Variants in GLP1R observed in about 807,000 individuals in gnomAD.
GLP1R encodes the protein glucagon-like peptide 1 receptor.
In GLP1R, 32 loss-of-function variants were observed where a neutral mutation model predicts 68.4. The observed-to-expected ratio is 0.47, with a 90% CI of 0.35 to 0.63. The LOEUF (loss-of-function observed/expected upper bound fraction) is 0.63, where lower values mean the gene tolerates loss of function less well. Ranked by LOEUF, GLP1R falls within the 20% of genes least tolerant of loss-of-function variation. The pLI is 0.00. For missense variants in GLP1R, 502 were observed against 594.9 expected (o/e 0.84, Z 1.62); for synonymous variants, 263 against 244.4 (o/e 1.08, Z -0.71).
In GLP1R at chr6:39,089,845, A is replaced by G. The variant is rs1769241541; in HGVS notation, c.*3772A>G. 6.6e-6 allele frequency among the ~76,000 whole-genome samples: 1 copy of G among 152,102 alleles called. No individual in the cohort carries two copies. The highest frequency in any genetic ancestry group is 2.4e-5 in the African/African-American group (1 of 41,412). On this transcript the variant is annotated 3_prime_UTR_variant, in exon 13 of 13. Transcript: ENST00000373256. The surrounding 1 kb of genome is among the most constrained non-coding windows in gnomAD (Gnocchi z 4.1). ...CTCAGGGAAGGCAAAATCTATTCCAAAGGTTTATTTTCCCTCTGTTGAATT... is the reference window on the plus strand; with the variant it reads ...CTCAGGGAAGGCAAAATCTATTCCAGAGGTTTATTTTCCCTCTGTTGAATT...
Position 39,072,874 on chromosome 6 carries a change from C to T in GLP1R, c.522C>T (p.Cys174=). The T allele has an allele frequency of 1.9e-6, 3 of 1,613,898 alleles. No homozygotes were observed. The highest frequency in any genetic ancestry group is 2.5e-6 in the Non-Finnish European group (3 of 1,179,850). Residue 174 remains cysteine (C), a synonymous_variant, in exon 6 of 13, where the codon TGC becomes TGT. Coordinates refer to ENST00000373256, the MANE Select transcript of GLP1R (RefSeq NM_002062.5). The part of the protein sequence containing the change: ...AILLGFRHLH[C]TRNYIHLNLF... ...CTTTCTCCCTCAGACACCTGCACTG[C>T]ACCAGGAACTACATCCACCTGAACC... is the stretch of plus-strand genomic sequence containing the variant.
rs1172261811 is a variant in GLP1R at position 39,072,895 on chromosome 6, G to A, written c.543G>A (p.Leu181=). Residue 181 remains leucine (L), a synonymous_variant, in exon 6 of 13, where the codon CTG becomes CTA. Transcript: ENST00000373256. The part of the protein sequence containing the change: ...HLHCTRNYIH[L]NLFASFILRA... ...ACTGCACCAGGAACTACATCCACCT[G>A]AACCTGTTTGCATCCTTCATCCTGC... The A allele has an allele frequency of 6.2e-7, 1 of 1,614,178 alleles. No homozygotes were observed. Among genetic ancestry groups the A allele is most frequent in the Admixed American group, 1.7e-5 (1 of 60,030 alleles).
intron 3 of GLP1R, among the ~76,000 whole-genome samples, 167 bp downstream of exon 3, chr6:39,057,746 G>T (rs1391082691): frequency 6.6e-6 from 1 of 150,704 alleles, no homozygotes; most frequent in African/African-American, 2.5e-5. Flanking sequence ...CCTGCCCTGG[G>T]CCAGCAGTGG....
chr6:39,080,804 T>C, intron 12 of GLP1R, 65 bp downstream of exon 12: 1 of 957,326 alleles, frequency 1.0e-6, no homozygotes. Flanking sequence ...TCTGGAGTAG[T>C]ACAATGGGGA....
intron 1 of GLP1R, among the ~76,000 whole-genome samples, chr6:39,050,334 T>C (rs746016988): frequency 3.3e-5 from 5 of 152,164 alleles, no homozygotes; most frequent in Admixed American, 1.3e-4. Context: ...AGGCTCTGCT[T>C]CCTGGTTCCA....
chr6:39,090,234 TA>T lies in GLP1R; in HGVS notation c.*4162del, dbSNP rs1306359170. 7.2e-5 allele frequency among the ~76,000 whole-genome samples: 11 copies of T among 152,210 alleles called. No individual in the cohort carries two copies. The highest frequency in any genetic ancestry group is 1.2e-4 in the Non-Finnish European group (8 of 68,046). ...AGTGCCACAGTGTGTCTGCAGTATCTATAAGTACTTCCGCTCTGTCAAGGAA... is the reference window on the plus strand; with the variant it reads ...AGTGCCACAGTGTGTCTGCAGTATCTTAAGTACTTCCGCTCTGTCAAGGAA... On this transcript the variant is annotated 3_prime_UTR_variant, in exon 13 of 13. Transcript: ENST00000373256.
chr6:39,081,444 C>T (rs1769010871), intron 12 of GLP1R, among the ~76,000 whole-genome samples: 1 of 152,170 alleles, frequency 6.6e-6, no homozygotes, highest in Admixed American at 6.5e-5. Flanking sequence ...TTCTCGCTGG[C>T]CCCACACACT....
intron 1 of GLP1R, 62 bp from the exon 2 acceptor site, chr6:39,056,335 G>A: frequency 2.4e-6 from 2 of 836,060 alleles, no homozygotes; most frequent in South Asian, 1.5e-5. Flanking sequence ...GTGTTAGGGG[G>A]TGAGGGGGCA....
rs1769194341 is a variant in GLP1R at position 39,088,030 on chromosome 6, T to C, written c.*1957T>C. ...CATTACATAGCAACAAAGAAACAGA[T>C]TGATATAATCTGTGTGAAATAAATT... On this transcript the variant is annotated 3_prime_UTR_variant, in exon 13 of 13. Transcript: ENST00000373256. 6.6e-6 allele frequency among the ~76,000 whole-genome samples: 1 copy of C among 152,176 alleles called. No homozygotes were observed. The highest frequency in any genetic ancestry group is 1.5e-5 in the Non-Finnish European group (1 of 68,034).
chr6:39,088,417 C>T lies in GLP1R; in HGVS notation c.*2344C>T, dbSNP rs1769203564. 6.6e-6 allele frequency among the ~76,000 whole-genome samples: 1 copy of T among 152,210 alleles called. No individual in the cohort carries two copies. The highest frequency in any genetic ancestry group is 1.5e-5 in the Non-Finnish European group (1 of 68,038). On this transcript the variant is annotated 3_prime_UTR_variant, in exon 13 of 13. Transcript: ENST00000373256. ...AATGCAATGTACTCTGAAATTCCAG[C>T]AGCTGTTTACATGCCTGATGCCTAA...
chr6:39,078,271 T>C (rs754229373), intron 7 of GLP1R, 51 bp from the exon 8 acceptor site: 1 of 1,342,556 alleles, frequency 7.4e-7, no homozygotes, highest in Non-Finnish European at 1.1e-6. Context: ...ATGTAGACTG[T>C]GGCTCTGGCC....
intron 3 of GLP1R, among the ~76,000 whole-genome samples, chr6:39,064,609 AGGCCAG>A (rs1243947130): frequency 1.3e-5 from 2 of 152,014 alleles, no homozygotes; most frequent in African/African-American, 4.8e-5. Flanking sequence ...CCCTACAGAG[AGGCCAG>A]GAATGAACCA....
At chr6:39,056,843 C>T (rs9296275) in intron 2 of GLP1R, among the ~76,000 whole-genome samples, 21,521 of 152,130 alleles carry the variant, frequency 0.14, 3,076 homozygotes, top group African/African-American at 0.36. Flanking sequence ...CCTGCACCGC[C>T]GGCCAGCCCC....
Position 39,072,930 on chromosome 6 carries a change from C to T in GLP1R, c.578C>T (p.Ser193Phe), listed in dbSNP as rs1301081484. Reference protein sequence around the residue: ...LFASFILRALSVFIKDAALKW... With the variant: ...LFASFILRALFVFIKDAALKW... ...GCATCCTTCATCCTGCGAGCATTGT[C>T]CGTCTTCATCAAGGACGCAGCCCTG... Residue 193 changes from serine to phenylalanine, a missense_variant, in exon 6 of 13, where the codon TCC becomes TTC. Ser to Phe is a radical substitution (Grantham distance 155). Coordinates refer to ENST00000373256, the MANE Select transcript of GLP1R (RefSeq NM_002062.5). 2 of 1,614,118 alleles carry T rather than the reference C, an allele frequency of 1.2e-6. No homozygotes were observed. Among genetic ancestry groups the T allele is most frequent in the South Asian group, 1.1e-5 (1 of 91,078 alleles).
At chr6:39,070,230 A>C (rs1321685127) in intron 5 of GLP1R, among the ~76,000 whole-genome samples, 13 of 152,258 alleles carry the variant, frequency 8.5e-5, no homozygotes, top group African/African-American at 2.4e-4. Flanking sequence ...CATTCAAATC[A>C]TAGAAATATT....
At chr6:39,084,911 T>G (rs1387722627) in intron 12 of GLP1R, among the ~76,000 whole-genome samples, 1 of 152,158 alleles carries the variant, frequency 6.6e-6, no homozygotes, top group East Asian at 1.9e-4. Context: ...CGCTGGCATC[T>G]GGCTGTCTTG....
At chr6:39,070,499 C>T (rs1002023728) in intron 5 of GLP1R, among the ~76,000 whole-genome samples, 8 of 152,218 alleles carry the variant, frequency 5.3e-5, no homozygotes, top group Non-Finnish European at 8.8e-5. Context: ...CCAGGTCTGA[C>T]TACCACCTGC....
At chr6:39,053,182 G>T (rs1489366830) in intron 1 of GLP1R, among the ~76,000 whole-genome samples, 1 of 152,182 alleles carries the variant, frequency 6.6e-6, no homozygotes, top group African/African-American at 2.4e-5. Context: ...CCTTGTGAGG[G>T]ACAGGGACAT....
At chr6:39,057,958 G>A (rs1768258883) in intron 3 of GLP1R, among the ~76,000 whole-genome samples, 1 of 152,202 alleles carries the variant, frequency 6.6e-6, no homozygotes. Flanking sequence ...TTTCCTCTGA[G>A]ACACAGCCCT....
Sources: allele counts gnomAD v4.1 joint callset (sites outside exome capture counted in the v4.1 genomes callset), GRCh38; gene constraint gnomAD v4.1.1; non-coding constraint Gnocchi (gnomAD v3.1); transcripts MANE v1.5; gene names NCBI Gene and HGNC (gene_info 2026-07-23, HGNC 2026-07-21).